JDP2: variants seen among roughly 807,000 people sequenced by gnomAD.
JDP2 encodes Jun dimerization protein 2, also known as progesterone receptor co-activator.
In JDP2, 9 loss-of-function variants were observed where a neutral mutation model predicts 17.1. The observed-to-expected ratio is 0.53, with a 90% CI of 0.32 to 0.92. The LOEUF (loss-of-function observed/expected upper bound fraction) is 0.92. JDP2 is among the 40% of genes least tolerant of loss of function. The pLI, the probability that JDP2 is intolerant of heterozygous loss-of-function variation, is 0.04. For missense variants in JDP2, 179 were observed against 220.0 expected (o/e 0.81, Z 1.18); for synonymous variants, 107 against 95.6 (o/e 1.12, Z -0.69).
chr14:75,469,304 G>T lies in JDP2; in HGVS notation c.321G>T (p.Leu107=). The T allele has an allele frequency of 6.2e-7, 1 of 1,614,080 alleles. No individual in the cohort carries two copies. The highest frequency in any genetic ancestry group is 8.5e-7 in the Non-Finnish European group (1 of 1,179,956). ...TEFLQRESER[L]ELMNAELKTQ... ...TTGGTATACAGGAATCCGAGCGGCT[G>T]GAACTCATGAACGCAGAGCTGAAGA... The change falls in exon 4 of 4, where the codon CTG becomes CTT. Residue 107 remains leucine, a synonymous_variant. Coordinates refer to ENST00000651602, the MANE Select transcript of JDP2 (RefSeq NM_001135048.2).
intron 3 of JDP2, among the ~76,000 whole-genome samples, chr14:75,465,183 CAG>C (rs1413480623): frequency 2.0e-5 from 3 of 152,220 alleles, no homozygotes; most frequent in East Asian, 3.8e-4. Flanking sequence ...TAGCAAGTAG[CAG>C]AGTCAGGATT....
chr14:75,434,192 AT>A (rs1884953574), intron 1 of JDP2, among the ~76,000 whole-genome samples: 1 of 151,914 alleles, frequency 6.6e-6, no homozygotes, highest in Non-Finnish European at 1.5e-5. Context: ...AAATTGTTTT[AT>A]TTTTCAAATC....
intron 2 of JDP2, among the ~76,000 whole-genome samples, chr14:75,441,716 C>T (rs1325339747): frequency 6.6e-6 from 1 of 152,200 alleles, no homozygotes; most frequent in African/African-American, 2.4e-5. Flanking sequence ...GCTTCTTTCT[C>T]CTTTCTTTTC....
chr14:75,459,035 G>A (rs986359559), intron 2 of JDP2, among the ~76,000 whole-genome samples: 1 of 152,234 alleles, frequency 6.6e-6, no homozygotes, highest in Non-Finnish European at 1.5e-5. Context: ...GCTTCTGTCT[G>A]CTTCTGACTT....
rs147167734 is a variant in JDP2 at position 75,461,353 on chromosome 14, G to C, written c.202-73G>C. On this transcript the variant is annotated intron_variant, in intron 2 of 3. Coordinates refer to ENST00000651602, the MANE Select transcript of JDP2 (RefSeq NM_001135048.2). ...GTTAGAAAGGCGAAGTTGTCCCTCTGTCTATGTGTCAGGACAGAAACTGTA... is the reference window on the plus strand; with the variant it reads ...GTTAGAAAGGCGAAGTTGTCCCTCTCTCTATGTGTCAGGACAGAAACTGTA... 5.3e-6 allele frequency: 6 copies of C among 1,133,114 alleles called. No individual in the cohort carries two copies. In the African/African-American group the frequency reaches 9.1e-5, roughly 17 times the overall value. The allele number at this position is 1,133,114 out of a possible 1,614,324, so 70.2% of individuals were successfully genotyped here. A position where few individuals can be genotyped will look rare whatever the true frequency, so the allele number is the denominator to read the frequency against.
At chr14:75,461,593 C>T (rs148232856) in intron 3 of JDP2, 63 bp downstream of exon 3, 1 of 1,237,308 alleles carries the variant, frequency 8.1e-7, no homozygotes, top group African/African-American at 1.5e-5. Flanking sequence ...GTACTCTGGA[C>T]CAGGAGAGGC....
intron 1 of JDP2, among the ~76,000 whole-genome samples, chr14:75,436,444 C>T (rs1186050638): frequency 6.6e-6 from 1 of 152,248 alleles, no homozygotes; most frequent in Non-Finnish European, 1.5e-5. Flanking sequence ...GATTTTCCCT[C>T]AGGAGTGCTA....
In JDP2 at chr14:75,428,300, G is replaced by T. The variant is rs1884624616; in HGVS notation, c.-24+48G>T. ...GGGGCGCCGGGACGGGCGGGGCGGG[G>T]CAGGGCGCGGCGCGGGCACCTGGGA... On this transcript the variant is annotated intron_variant, in intron 1 of 3. Transcript: ENST00000651602. The surrounding 1 kb of genome is among the most constrained non-coding windows in gnomAD (Gnocchi z 5.6). The T allele has an allele frequency of 6.8e-6, 1 of 147,148 alleles. No homozygotes were observed. Among genetic ancestry groups the T allele is most frequent in the African/African-American group, 2.4e-5 (1 of 40,902 alleles). 9.1% of individuals were successfully genotyped at this position (147,148 alleles called of 1,614,324 possible). A position where few individuals can be genotyped will look rare whatever the true frequency, so the allele number is the denominator to read the frequency against.
At chr14:75,445,014 C>A in intron 2 of JDP2, 2 of 759,578 alleles carry the variant, frequency 2.6e-6, no homozygotes, top group Non-Finnish European at 3.2e-6. Flanking sequence ...TCCCATCAAC[C>A]AACAATCTTT....
chr14:75,435,933 A>C (rs546333300), intron 1 of JDP2, among the ~76,000 whole-genome samples: 28 of 152,300 alleles, frequency 1.8e-4, no homozygotes, highest in African/African-American at 6.5e-4. Flanking sequence ...TTTATGACAG[A>C]TGCAGCAGGC....
chr14:75,453,350 C>G (rs1885956333), intron 2 of JDP2, among the ~76,000 whole-genome samples: 1 of 152,202 alleles, frequency 6.6e-6, no homozygotes, highest in African/African-American at 2.4e-5. Context: ...TGTGTGAGGC[C>G]TGAGGCTAGA....
chr14:75,465,553 C>T (rs145937908), intron 3 of JDP2, among the ~76,000 whole-genome samples: 206 of 152,298 alleles, frequency 1.4e-3, no homozygotes, highest in African/African-American at 4.5e-3. Context: ...TGGTCTTGAA[C>T]TCCTGGACAC....
rs1772236586 is a variant in JDP2 at position 75,428,386 on chromosome 14, C to A, written c.-24+134C>A. 6.6e-6 allele frequency: 1 copy of A among 151,298 alleles called. No individual in the cohort carries two copies. The highest frequency in any genetic ancestry group is 2.0e-4 in the East Asian group (1 of 5,120). The allele number at this position is 151,298 out of a possible 1,614,324, so 9.4% of individuals were successfully genotyped here. On this transcript the variant is annotated intron_variant, in intron 1 of 3. Coordinates refer to ENST00000651602, the MANE Select transcript of JDP2 (RefSeq NM_001135048.2). The surrounding 1 kb of genome is among the most constrained non-coding windows in gnomAD (Gnocchi z 5.6). ...CAGCCCAGCCCCGCGGGGAGGCTCCCGCAGCCCAGGGACCTCGAGCTTTCC... is the reference window on the plus strand; with the variant it reads ...CAGCCCAGCCCCGCGGGGAGGCTCCAGCAGCCCAGGGACCTCGAGCTTTCC...
intron 3 of JDP2, among the ~76,000 whole-genome samples, chr14:75,468,927 T>C (rs944226598): frequency 1.3e-5 from 2 of 152,246 alleles, no homozygotes; most frequent in African/African-American, 4.8e-5. Context: ...CCTGGCCTCC[T>C]TTCTTTGCCC....
chr14:75,469,777 C>T lies in JDP2; in HGVS notation c.*302C>T, dbSNP rs767857467. ...GACAGAGGCACCGAGGCCAGGGAGA[C>T]GCCCAACGAGGCAGCCCTGGGCTCT... On this transcript the variant is annotated 3_prime_UTR_variant, in exon 4 of 4. Coordinates refer to ENST00000651602, the MANE Select transcript of JDP2 (RefSeq NM_001135048.2). The T allele has an allele frequency of 5.6e-5, 17 of 306,086 alleles. No individual in the cohort carries two copies. The highest frequency in any genetic ancestry group is 2.4e-4 in the Admixed American group (5 of 21,142). 19.0% of individuals were successfully genotyped at this position (306,086 alleles called of 1,614,324 possible).
chr14:75,437,914 T>C lies in JDP2; in HGVS notation c.-7T>C. 6.2e-7 allele frequency: 1 copy of C among 1,601,728 alleles called. No individual in the cohort carries two copies. Among genetic ancestry groups the C allele is most frequent in the African/African-American group, 1.3e-5 (1 of 74,826 alleles). ...CCACTCCAGGCTGGCCTGCCACTCC[T>C]CCTGCTATGATGCCTGGGCAGATCC... On this transcript the variant is annotated 5_prime_UTR_variant, in exon 2 of 4. Coordinates refer to ENST00000651602, the MANE Select transcript of JDP2 (RefSeq NM_001135048.2).
intron 2 of JDP2, chr14:75,445,017 C>CT (rs1462767488): frequency 1.3e-6 from 1 of 780,388 alleles, no homozygotes; most frequent in Admixed American, 6.2e-5. Flanking sequence ...CATCAACCAA[C>CT]AATCTTTTAG....
intron 2 of JDP2, among the ~76,000 whole-genome samples, chr14:75,451,943 G>C (rs1885886908): frequency 6.6e-6 from 1 of 152,156 alleles, no homozygotes; most frequent in African/African-American, 2.4e-5. Context: ...TTTCGAGACA[G>C]AGTCTTGCTC....
At position 75,469,436 on chromosome 14, in the gene JDP2, A is replaced by T. The variant is rs1317171656; in HGVS notation, c.453A>T (p.Ser151=). Reference sequence around the variant, plus strand: ...CCGACAGTGTCAAGACCCCCGAGTCAGAAGGCAACCCACTGCTCGAGCAGC... The same window carrying T: ...CCGACAGTGTCAAGACCCCCGAGTCTGAAGGCAACCCACTGCTCGAGCAGC... ...VRTDSVKTPE[S]EGNPLLEQLE... Residue 151 remains serine, a synonymous_variant, in exon 4 of 4, where the codon TCA becomes TCT. Coordinates refer to ENST00000651602, the MANE Select transcript of JDP2 (RefSeq NM_001135048.2). 1.7e-5 allele frequency: 28 copies of T among 1,614,008 alleles called. No homozygotes were observed. Among genetic ancestry groups the T allele is most frequent in the Non-Finnish European group, 2.2e-5 (26 of 1,180,008 alleles).
Sources: gnomAD v4.1 joint callset for allele counts (sites outside exome capture counted in the v4.1 genomes callset) on GRCh38, gnomAD v4.1.1 for gene constraint, Gnocchi (gnomAD v3.1) non-coding constraint, MANE v1.5 for transcripts, NCBI Gene and HGNC (gene_info 2026-07-23, HGNC 2026-07-21) for gene names.